Variants in CACNA1C observed in about 807,000 individuals in gnomAD.
CACNA1C encodes the protein voltage-dependent L-type calcium channel subunit alpha-1C.
A neutral mutation model predicts 229.0 loss-of-function variants in CACNA1C; 30 were observed. The ratio of observed to expected loss-of-function variants is 0.13; its 90% CI spans 0.10 to 0.18. CACNA1C has a LOEUF of 0.18. Among genes scored for constraint, CACNA1C ranks in the 10% least tolerant of loss-of-function variants. The probability of loss-of-function intolerance (pLI) is 1.00; values close to 1 mark genes in which losing one functional copy is unlikely to be tolerated. For synonymous variants in CACNA1C, 1,114 were observed against 1,132.5 expected, an observed-to-expected ratio of 0.98 and a Z score of 0.33; for missense variants, 1,658 against 2,845.0, an observed-to-expected ratio of 0.58 and a Z score of 9.49.
chr12:2,053,476 G>C lies in CACNA1C; in HGVS notation c.-87G>C. 6.6e-7 allele frequency: 1 copy of C among 1,514,606 alleles called. No individual in the cohort carries two copies. The highest frequency in any genetic ancestry group is 8.9e-7 in the Non-Finnish European group (1 of 1,126,380). 93.8% of individuals were successfully genotyped at this position (1,514,606 alleles called of 1,614,324 possible). ...TTGCGCGAAAGCCGCCGGCCTCGGA[G>C]GAGGGATTAATCCAGACCCGCCGGG... is the stretch of plus-strand genomic sequence containing the variant. On this transcript the variant is annotated 5_prime_UTR_variant, in exon 1 of 47. Coordinates refer to ENST00000399655, the MANE Select transcript of CACNA1C (RefSeq NM_000719.7). This position sits in a 1 kb window ranked among gnomAD's most constrained non-coding sequence, Gnocchi z 5.8.
chr12:2,410,411 G>T lies in CACNA1C; in HGVS notation c.478-38565G>T, dbSNP rs1369666718. On this transcript the variant is annotated intron_variant, in intron 3 of 46. Coordinates refer to ENST00000399655, the MANE Select transcript of CACNA1C (RefSeq NM_000719.7). This position sits in a 1 kb window ranked among gnomAD's most constrained non-coding sequence, Gnocchi z 5.3. The stretch of plus-strand genomic sequence containing the variant: ...GGCTCTGGTTGTGGAAGTTTGTCAT[G>T]AGTGGACCCCAGCAAGGAATTGGTG... 2.0e-5 allele frequency among the ~76,000 whole-genome samples: 3 copies of T among 152,224 alleles called. No individual in the cohort carries two copies. The highest frequency in any genetic ancestry group is 2.9e-5 in the Non-Finnish European group (2 of 68,038).
At chr12:2,520,925 A>G (rs1029361573) in intron 9 of CACNA1C, among the ~76,000 whole-genome samples, 2 of 152,278 alleles carry the variant, frequency 1.3e-5, no homozygotes, top group Non-Finnish European at 2.9e-5. Context: ...GACAGGAGAC[A>G]TTCATAGCTT....
At chr12:2,438,289 GAT>G (rs1491275387) in intron 3 of CACNA1C, among the ~76,000 whole-genome samples, 15 of 99,648 alleles carry the variant, frequency 1.5e-4, no homozygotes, top group African/African-American at 6.4e-4. Flanking sequence ...TAGTGGTAAT[GAT>G]GGTGGTGGTG....
intron 30 of CACNA1C, 47 bp from the exon 31 acceptor site, chr12:2,648,428 T>C (rs2094564039): frequency 1.9e-6 from 3 of 1,589,232 alleles, no homozygotes; most frequent in Non-Finnish European, 2.6e-6. Flanking sequence ...CCGGGCATCT[T>C]CATGGGAGAC....
intron 3 of CACNA1C, among the ~76,000 whole-genome samples, chr12:2,144,053 C>T (rs147736916): frequency 1.3e-5 from 2 of 151,494 alleles, no homozygotes; most frequent in African/African-American, 4.8e-5. Flanking sequence ...ATGAACTGAT[C>T]CCTGCTCTGT....
At chr12:2,448,763 G>GAA (rs34361820) in intron 3 of CACNA1C, among the ~76,000 whole-genome samples, 45 of 150,030 alleles carry the variant, frequency 3.0e-4, no homozygotes, top group East Asian at 5.9e-4. Flanking sequence ...CTTTGATGCA[G>GAA]AAAAAAAAAA....
At chr12:2,358,761 A>T (rs1594028037) in intron 3 of CACNA1C, among the ~76,000 whole-genome samples, 3 of 152,082 alleles carry the variant, frequency 2.0e-5, no homozygotes, top group African/African-American at 7.2e-5. Context: ...CTCTTGGGAA[A>T]TATTTAGAAA....
intron 7 of CACNA1C, among the ~76,000 whole-genome samples, chr12:2,499,930 C>G (rs1272300843): frequency 6.6e-6 from 1 of 152,158 alleles, no homozygotes; most frequent in African/African-American, 2.4e-5. Context: ...TGTGTGCTCT[C>G]TACTCAGCTG....
At chr12:2,652,106 C>T (rs2095048846) in intron 32 of CACNA1C, among the ~76,000 whole-genome samples, 1 of 152,200 alleles carries the variant, frequency 6.6e-6, no homozygotes, top group Admixed American at 6.5e-5. Context: ...AGGAACAAAC[C>T]TGAAAAACAC....
intron 43 of CACNA1C, 38 bp from the exon 44 acceptor site, chr12:2,685,698 A>G (rs1355091051): frequency 1.3e-6 from 2 of 1,547,180 alleles, no homozygotes; most frequent in Non-Finnish European, 1.8e-6. Context: ...GCCACTTCTC[A>G]GCCTCCAGGA....
At chr12:1,990,540 A>G (rs920646731) in intron 1 of CACNA1C, among the ~76,000 whole-genome samples, 1 of 150,222 alleles carries the variant, frequency 6.7e-6, no homozygotes, top group African/African-American at 2.4e-5. Context: ...CAAGAAAGGG[A>G]TTTTTTTTTT....
intron 8 of CACNA1C, among the ~76,000 whole-genome samples, chr12:2,511,728 G>T (rs1442445106): frequency 6.6e-6 from 1 of 152,288 alleles, no homozygotes; most frequent in African/African-American, 2.4e-5. Context: ...CTTTGTTGAT[G>T]ATTGCCTTCT....
At chr12:2,057,508 C>A (rs2055572411) in intron 1 of CACNA1C, among the ~76,000 whole-genome samples, 2 of 152,116 alleles carry the variant, frequency 1.3e-5, no homozygotes, top group African/African-American at 2.4e-5. Context: ...TCCATCAGGC[C>A]CACACCTGCC....
At chr12:2,477,582 C>G (rs1227960210) in intron 5 of CACNA1C, among the ~76,000 whole-genome samples, 1 of 152,180 alleles carries the variant, frequency 6.6e-6, no homozygotes, top group Admixed American at 6.5e-5. Flanking sequence ...TGCCTCATCT[C>G]CAGTCTGTAG....
intron 30 of CACNA1C, among the ~76,000 whole-genome samples, chr12:2,635,372 GTGT>G (rs1380237211): frequency 1.3e-5 from 2 of 152,194 alleles, no homozygotes; most frequent in Middle Eastern, 3.2e-3. Flanking sequence ...TCTTTAACAT[GTGT>G]TGTTTAATTT....
chr12:1,993,054 C>G (rs530106164), intron 1 of CACNA1C: 1 of 712,458 alleles, frequency 1.4e-6, no homozygotes, highest in Non-Finnish European at 2.5e-6. Flanking sequence ...AGGTTTATAT[C>G]ATCATATTTA....
chr12:2,283,034 T>A (rs888656507), intron 3 of CACNA1C, among the ~76,000 whole-genome samples: 1 of 150,968 alleles, frequency 6.6e-6, no homozygotes, highest in African/African-American at 2.4e-5. Flanking sequence ...TTTTTTTTTT[T>A]ACATAAAACA....
At chr12:2,609,053 G>C (rs1568763616) in intron 27 of CACNA1C, among the ~76,000 whole-genome samples, 2 of 152,250 alleles carry the variant, frequency 1.3e-5, no homozygotes, top group African/African-American at 4.8e-5. Flanking sequence ...ATACGGAGGA[G>C]AGAAACTAGA....
intron 3 of CACNA1C, among the ~76,000 whole-genome samples, chr12:2,404,551 A>C (rs559546570): frequency 6.6e-6 from 1 of 152,254 alleles, no homozygotes; most frequent in South Asian, 2.1e-4. Context: ...GCAGGATTCG[A>C]GTTCCTCTCA....
Sources: gnomAD v4.1 joint callset for allele counts (sites outside exome capture counted in the v4.1 genomes callset) on GRCh38, gnomAD v4.1.1 for gene constraint, Gnocchi (gnomAD v3.1) non-coding constraint, MANE v1.5 for transcripts, NCBI Gene and HGNC (gene_info 2026-07-23, HGNC 2026-07-21) for gene names.